The following FAM107B variants were observed in gnomAD, a reference collection of about 807,000 sequenced individuals.
FAM107B encodes the protein family with sequence similarity 107 member B.
A neutral mutation model predicts 31.5 loss-of-function variants in FAM107B; 21 were observed. That is an observed-to-expected ratio of 0.67 (90% CI 0.47 to 0.96). The LOEUF (loss-of-function observed/expected upper bound fraction) is 0.96, where lower values mean the gene tolerates loss of function less well. Ranked by LOEUF, FAM107B falls within the 40% of genes least tolerant of loss-of-function variation. FAM107B has a pLI of 0.00. For synonymous variants in FAM107B, 157 were observed against 141.5 expected (o/e 1.11, Z -0.78); for missense variants, 452 against 377.1 (o/e 1.20, Z -1.64).
chr10:14,761,026 A>AG (rs1833034429), intron 1 of FAM107B, among the ~76,000 whole-genome samples: 3 of 151,188 alleles, frequency 2.0e-5, no homozygotes, highest in Non-Finnish European at 4.4e-5. Flanking sequence ...AAAAAAAAAA[A>AG]AAAAAAAAAA....
chr10:14,528,527 G>A (rs1846582248), intron 3 of FAM107B, among the ~76,000 whole-genome samples: 1 of 152,134 alleles, frequency 6.6e-6, no homozygotes, highest in Admixed American at 6.6e-5. Flanking sequence ...CCACTTTATA[G>A]ATGAAGAAAC....
At position 14,774,685 on chromosome 10, in the gene FAM107B, A is replaced by C. The variant is rs1479338660; in HGVS notation, c.-22T>G. ...ACATGACTTGCAGTGAATCATTGCA[A>C]AGTTCAAACGGGGCAAGGAAATTTT... On this transcript the variant is annotated 5_prime_UTR_variant, in exon 1 of 5. Transcript: ENST00000181796. The C allele has an allele frequency of 6.2e-7, 1 of 1,601,038 alleles. No homozygotes were observed.
At chr10:14,620,636 C>A (rs1852986036) in intron 2 of FAM107B, among the ~76,000 whole-genome samples, 1 of 152,102 alleles carries the variant, frequency 6.6e-6, no homozygotes, top group Non-Finnish European at 1.5e-5. Flanking sequence ...CACCCATCAA[C>A]CCGTCAACTA....
chr10:14,571,420 G>C (rs11259196), intron 2 of FAM107B, among the ~76,000 whole-genome samples: 65,044 of 151,906 alleles, frequency 0.43, 15,518 homozygotes, highest in Middle Eastern at 0.63. Flanking sequence ...ACACTTAATA[G>C]AGCATGGATA....
Position 14,519,457 on chromosome 10 carries a change from T to C in FAM107B, c.*1733A>G, listed in dbSNP as rs1001931531. On this transcript the variant is annotated 3_prime_UTR_variant, in exon 5 of 5. Coordinates refer to ENST00000181796, the MANE Select transcript of FAM107B (RefSeq NM_031453.4). ...ACACTTCCTTCTCTCAAAAGAACGA[T>C]GGGAAAAAATAGTTACCATTCCATT... 7.2e-5 allele frequency: 11 copies of C among 152,310 alleles called. No individual in the cohort carries two copies. The highest frequency in any genetic ancestry group is 1.9e-4 in the East Asian group (1 of 5,192). The allele number at this position is 152,310 out of a possible 1,614,324, so 9.4% of individuals were successfully genotyped here.
At chr10:14,617,865 G>A (rs1464323448) in intron 2 of FAM107B, among the ~76,000 whole-genome samples, 1 of 152,160 alleles carries the variant, frequency 6.6e-6, no homozygotes, top group Non-Finnish European at 1.5e-5. Context: ...GCTGAGACAG[G>A]CGAATTGCTT....
At chr10:14,543,903 T>A (rs1848470215) in intron 2 of FAM107B, among the ~76,000 whole-genome samples, 1 of 152,144 alleles carries the variant, frequency 6.6e-6, no homozygotes, top group East Asian at 1.9e-4. Context: ...ACAGCTCTTG[T>A]CCCACCCTGA....
chr10:14,757,151 C>T (rs1832947071), intron 1 of FAM107B, among the ~76,000 whole-genome samples: 1 of 152,144 alleles, frequency 6.6e-6, no homozygotes, highest in Admixed American at 6.6e-5. Flanking sequence ...TAACCCTAAA[C>T]TTAAAAGTTA....
chr10:14,627,932 G>A (rs1447769616), intron 2 of FAM107B, among the ~76,000 whole-genome samples: 1 of 152,034 alleles, frequency 6.6e-6, no homozygotes, highest in South Asian at 2.1e-4. Context: ...GAGTAACTAC[G>A]AAGGGTAGGC....
chr10:14,713,768 T>C (rs1855716477), intron 1 of FAM107B, among the ~76,000 whole-genome samples: 1 of 151,662 alleles, frequency 6.6e-6, no homozygotes, highest in Non-Finnish European at 1.5e-5. Context: ...AGCAAAGACA[T>C]GAAATAAGCC....
At chr10:14,700,595 C>G (rs1289630248) in intron 1 of FAM107B, among the ~76,000 whole-genome samples, 2 of 152,050 alleles carry the variant, frequency 1.3e-5, no homozygotes, top group African/African-American at 2.4e-5. Flanking sequence ...GAAAGCCCAG[C>G]CTGTGCCCCT....
intron 1 of FAM107B, among the ~76,000 whole-genome samples, chr10:14,768,001 A>G (rs539982081): frequency 6.6e-6 from 1 of 152,336 alleles, no homozygotes; most frequent in South Asian, 2.1e-4. Flanking sequence ...ATTTCTATAC[A>G]GTAACAATGA....
intron 2 of FAM107B, among the ~76,000 whole-genome samples, chr10:14,577,361 C>A (rs1055155286): frequency 6.6e-6 from 1 of 152,196 alleles, no homozygotes; most frequent in Non-Finnish European, 1.5e-5. Context: ...AACGTATTCT[C>A]GATGTGTGCT....
intron 2 of FAM107B, among the ~76,000 whole-genome samples, chr10:14,659,323 C>T (rs773567037): frequency 2.6e-4 from 39 of 152,248 alleles, no homozygotes; most frequent in South Asian, 6.2e-4. Flanking sequence ...CACCTGTAGT[C>T]TCAGCTCCTC....
chr10:14,654,120 T>TC (rs1853975578), intron 2 of FAM107B, among the ~76,000 whole-genome samples: 2 of 151,230 alleles, frequency 1.3e-5, no homozygotes, highest in African/African-American at 2.4e-5. Context: ...TTTTTTTTTT[T>TC]CCACTGCTTA....
chr10:14,533,234 C>T (rs982812064), intron 2 of FAM107B, among the ~76,000 whole-genome samples: 4 of 152,100 alleles, frequency 2.6e-5, no homozygotes, highest in Middle Eastern at 3.2e-3. Context: ...TTTAGACTCA[C>T]GCAGCAGCAG....
chr10:14,570,233 G>GGTGGGTGGGTGT (rs768204428), intron 2 of FAM107B, among the ~76,000 whole-genome samples: 6 of 140,340 alleles, frequency 4.3e-5, no homozygotes, highest in African/African-American at 1.6e-4. Context: ...AAATGTGGTG[G>GGTGGGTGGGTGT]GTGTGTGTGT....
intron 1 of FAM107B, among the ~76,000 whole-genome samples, chr10:14,769,998 A>G (rs536830291): frequency 6.6e-6 from 1 of 152,294 alleles, no homozygotes; most frequent in South Asian, 2.1e-4. Flanking sequence ...CCTGTATTCT[A>G]GTCTTCCCCT....
intron 2 of FAM107B, among the ~76,000 whole-genome samples, chr10:14,561,515 C>A (rs1350457244): frequency 6.6e-6 from 1 of 152,164 alleles, no homozygotes; most frequent in Non-Finnish European, 1.5e-5. Flanking sequence ...AGCGAAGAGG[C>A]CTGACCAGGT....
Sources: allele counts gnomAD v4.1 joint callset (sites outside exome capture counted in the v4.1 genomes callset), GRCh38; gene constraint gnomAD v4.1.1; transcripts MANE v1.5; gene names NCBI Gene and HGNC (gene_info 2026-07-23, HGNC 2026-07-21).